The following AAR2 variants were observed in gnomAD, a reference collection of about 807,000 sequenced individuals.
The protein encoded by AAR2 is protein AAR2 homolog.
A neutral mutation model predicts 26.9 loss-of-function variants in AAR2; 31 were observed. The ratio of observed to expected loss-of-function variants is 1.15; its 90% CI spans 0.86 to 1.55. The LOEUF (loss-of-function observed/expected upper bound fraction) is 1.55. Ranked by LOEUF, AAR2 falls within the 40% of genes most tolerant of loss-of-function variation. The probability of loss-of-function intolerance (pLI) is 0.00; values close to 1 mark genes in which losing one functional copy is unlikely to be tolerated. For missense variants in AAR2, 430 were observed against 491.3 expected, an observed-to-expected ratio of 0.88 and a Z score of 1.18; for synonymous variants, 188 against 196.1, an observed-to-expected ratio of 0.96 and a Z score of 0.34.
chr20:36,237,354 G>A (rs1352076312), intron 1 of AAR2, among the ~76,000 whole-genome samples: 1 of 152,180 alleles, frequency 6.6e-6, no homozygotes, highest in Non-Finnish European at 1.5e-5. Context: ...ATGGGTTGAG[G>A]AGCAAGCACT....
chr20:36,240,960 C>T (rs1240907742), intron 2 of AAR2, among the ~76,000 whole-genome samples: 1 of 152,194 alleles, frequency 6.6e-6, no homozygotes, highest in Non-Finnish European at 1.5e-5. Flanking sequence ...ACCCAGGACT[C>T]TTGGTTTCTG....
rs1021086767 is a variant in AAR2 at position 36,240,165 on chromosome 20, C to A, written c.297C>A (p.Asp99Glu). 2.5e-6 allele frequency: 4 copies of A among 1,614,078 alleles called. No individual in the cohort carries two copies. The highest frequency in any genetic ancestry group is 1.3e-5 in the African/African-American group (1 of 74,918). Reference protein sequence around the residue: ...LRWSTLREEVDLSPAPESEVE... With the variant: ...LRWSTLREEVELSPAPESEVE... ...GGAGCACACTCAGGGAAGAGGTAGA[C>A]CTGTCCCCAGCCCCAGAGTCTGAGG... Residue 99 changes from aspartate (D) to glutamate (E), a missense_variant, in exon 2 of 4, where the codon GAC becomes GAA. Physicochemically the swap from Asp to Glu is conservative, Grantham distance 45. Transcript: ENST00000320849.
chr20:36,243,427 G>T (rs1180159061), intron 2 of AAR2, among the ~76,000 whole-genome samples: 1 of 152,208 alleles, frequency 6.6e-6, no homozygotes, highest in Non-Finnish European at 1.5e-5. Context: ...TTAGGAACAG[G>T]GAGCTAGTTT....
intron 3 of AAR2, among the ~76,000 whole-genome samples, chr20:36,251,086 A>G (rs769349767): frequency 6.6e-6 from 1 of 152,076 alleles, no homozygotes; most frequent in Non-Finnish European, 1.5e-5. Flanking sequence ...AGTCTCAACT[A>G]CTGAGGAGGC....
At chr20:36,237,259 C>T (rs2064619318) in intron 1 of AAR2, among the ~76,000 whole-genome samples, 1 of 152,152 alleles carries the variant, frequency 6.6e-6, no homozygotes, top group South Asian at 2.1e-4. Flanking sequence ...TTTCAAGAAC[C>T]ATATGGGAAA....
intron 2 of AAR2, among the ~76,000 whole-genome samples, chr20:36,243,698 ATAT>A (rs1291935337): frequency 1.3e-5 from 2 of 152,328 alleles, no homozygotes; most frequent in East Asian, 1.9e-4. Context: ...TGGGAACATA[ATAT>A]TTTTTGAGTG....
intron 3 of AAR2, among the ~76,000 whole-genome samples, chr20:36,249,379 A>G (rs1290465706): frequency 5.3e-5 from 8 of 152,260 alleles, no homozygotes; most frequent in Admixed American, 2.6e-4. Flanking sequence ...ATGATATGTT[A>G]GAAAGTGAGT....
chr20:36,252,335 C>T (rs901541354), intron 3 of AAR2, among the ~76,000 whole-genome samples: 2 of 152,168 alleles, frequency 1.3e-5, no homozygotes, highest in Non-Finnish European at 2.9e-5. Context: ...CTAATGGGTC[C>T]TTTTTGTGTG....
chr20:36,242,726 C>T (rs147844383), intron 2 of AAR2, among the ~76,000 whole-genome samples: 3 of 151,994 alleles, frequency 2.0e-5, no homozygotes, highest in African/African-American at 2.4e-5. Flanking sequence ...TTAGTATTTT[C>T]GTATAATAAG....
intron 1 of AAR2, among the ~76,000 whole-genome samples, 159 bp from the exon 2 acceptor site, chr20:36,239,662 C>G (rs191188922): frequency 6.6e-6 from 1 of 152,288 alleles, no homozygotes; most frequent in Admixed American, 6.5e-5. Context: ...CTTTAATCCT[C>G]GTTTTTCTCA....
intron 1 of AAR2, among the ~76,000 whole-genome samples, chr20:36,238,412 T>C (rs1035369106): frequency 2.6e-5 from 4 of 152,176 alleles, no homozygotes; most frequent in African/African-American, 9.7e-5. Flanking sequence ...TGTGCTCTTA[T>C]TTTTGGAAAA....
intron 1 of AAR2, 122 bp downstream of exon 1, chr20:36,236,625 G>T (rs2064608881): frequency 6.6e-6 from 1 of 152,258 alleles, no homozygotes; most frequent in Non-Finnish European, 1.5e-5. Context: ...TCGCCGGGGC[G>T]GCTGGTTCTC....
chr20:36,247,031 G>T (rs1465323191), intron 3 of AAR2, among the ~76,000 whole-genome samples: 1 of 152,154 alleles, frequency 6.6e-6, no homozygotes, highest in Admixed American at 6.5e-5. Flanking sequence ...CTGTATAGAA[G>T]ACTCTGTTCT....
intron 3 of AAR2, among the ~76,000 whole-genome samples, chr20:36,245,890 T>G (rs752469579): frequency 1.1e-4 from 17 of 152,136 alleles, no homozygotes; most frequent in Non-Finnish European, 8.8e-5. Context: ...TATGGTCATG[T>G]GCACCTGTAG....
chr20:36,253,070 C>T (rs2064792503), intron 3 of AAR2, among the ~76,000 whole-genome samples: 1 of 151,776 alleles, frequency 6.6e-6, no homozygotes, highest in Non-Finnish European at 1.5e-5. Flanking sequence ...TCTGTACCGC[C>T]CCCCTTCCCC....
intron 3 of AAR2, among the ~76,000 whole-genome samples, chr20:36,252,780 A>C (rs1191843284): frequency 2.0e-5 from 3 of 152,136 alleles, no homozygotes; most frequent in Admixed American, 6.5e-5. Context: ...CAGTCTCCCC[A>C]CAACCTCTGG....
At chr20:36,250,797 G>T (rs1198378844) in intron 3 of AAR2, among the ~76,000 whole-genome samples, 1 of 152,092 alleles carries the variant, frequency 6.6e-6, no homozygotes, top group African/African-American at 2.4e-5. Context: ...TATGGTGGTT[G>T]CATGGGGGTA....
chr20:36,243,010 A>G (rs1056309698), intron 2 of AAR2, among the ~76,000 whole-genome samples: 8 of 151,948 alleles, frequency 5.3e-5, no homozygotes, highest in African/African-American at 1.9e-4. Context: ...GGTGTGTGCC[A>G]CCACGCCCAG....
At chr20:36,248,397 G>A (rs564898881) in intron 3 of AAR2, among the ~76,000 whole-genome samples, 9 of 150,152 alleles carry the variant, frequency 6.0e-5, no homozygotes, top group South Asian at 2.1e-4. Context: ...GTACAATGGC[G>A]CGATCTCGGC....
Sources: gnomAD v4.1 joint callset for allele counts (sites outside exome capture counted in the v4.1 genomes callset) on GRCh38, gnomAD v4.1.1 for gene constraint, MANE v1.5 for transcripts, NCBI Gene and HGNC (gene_info 2026-07-23, HGNC 2026-07-21) for gene names.